The following PPARD variants were observed in gnomAD, a reference collection of about 807,000 sequenced individuals.
PPARD encodes peroxisome proliferator-activated receptor delta.
A neutral mutation model predicts 39.5 loss-of-function variants in PPARD; 6 were observed. The ratio of observed to expected loss-of-function variants is 0.15; its 90% CI spans 0.08 to 0.30. The LOEUF (loss-of-function observed/expected upper bound fraction) is 0.30. Ranked by LOEUF, PPARD falls within the 10% of genes least tolerant of loss-of-function variation. PPARD has a pLI of 1.00. For missense variants in PPARD, 397 were observed against 596.8 expected, an observed-to-expected ratio of 0.67 and a Z score of 3.49; for synonymous variants, 210 against 231.3, an observed-to-expected ratio of 0.91 and a Z score of 0.83.
chr6:35,357,939 A>T (rs1024416653), intron 2 of PPARD, among the ~76,000 whole-genome samples: 1 of 152,148 alleles, frequency 6.6e-6, no homozygotes, highest in Non-Finnish European at 1.5e-5. Context: ...TGGACCAGGG[A>T]TCTGAACTGT....
At chr6:35,393,882 T>A (rs765821847) in intron 2 of PPARD, among the ~76,000 whole-genome samples, 1 of 152,152 alleles carries the variant, frequency 6.6e-6, no homozygotes, top group Non-Finnish European at 1.5e-5. Context: ...ACAGGAGGAC[T>A]GAGAACAAGA....
In PPARD at chr6:35,412,478, T is replaced by C. The variant is rs1482449872; in HGVS notation, c.130+1261T>C. 6.6e-6 allele frequency among the ~76,000 whole-genome samples: 1 copy of C among 152,140 alleles called. No individual in the cohort carries two copies. Among genetic ancestry groups the C allele is most frequent in the African/African-American group, 2.4e-5 (1 of 41,426 alleles). ...TGGGCTCTGGACCCCTGTGACTGCA[T>C]GGAGCAGGAGGAGGCAGTTAGTGTC... On this transcript the variant is annotated intron_variant, in intron 3 of 7. Transcript: ENST00000360694. This position sits in a 1 kb window ranked among gnomAD's most constrained non-coding sequence, Gnocchi z 4.1.
chr6:35,348,011 G>C (rs543784493), intron 2 of PPARD, among the ~76,000 whole-genome samples: 26 of 151,440 alleles, frequency 1.7e-4, no homozygotes, highest in Admixed American at 1.5e-3. Flanking sequence ...AGGTTCAAGC[G>C]ATTCTCCTAC....
At position 35,421,958 on chromosome 6, in the gene PPARD, G is replaced by A. The variant is rs1581672876; in HGVS notation, c.424G>A (p.Ala142Thr). The A allele has an allele frequency of 1.2e-6, 2 of 1,608,060 alleles. No homozygotes were observed. The highest frequency in any genetic ancestry group is 1.7e-6 in the Non-Finnish European group (2 of 1,176,532). The part of the protein sequence containing the change: ...KCLALGMSHN[A>T]IRFGRMPEAE... ...CCTGGCACTGGGCATGTCACACAAC[G>A]GTGAGAGCTGACCAGGGCAACTCAC... Residue 142 changes from alanine to threonine, a missense_variant and splice_region_variant, in exon 5 of 8, where the codon GCT (alanine) becomes ACT (threonine). Physicochemically the swap from Ala to Thr is moderately conservative, Grantham distance 58. Coordinates refer to ENST00000360694, the MANE Select transcript of PPARD (RefSeq NM_006238.5).
intron 4 of PPARD, among the ~76,000 whole-genome samples, chr6:35,420,866 G>A (rs1167184321): frequency 8.9e-6 from 1 of 111,798 alleles, no homozygotes; most frequent in African/African-American, 3.3e-5. Flanking sequence ...TCGATCTGTC[G>A]CCCAGGCTGG....
rs1370306015 is a variant in PPARD, at chr6:35,425,250, GGTGACAGA to G, written c.1078+476_1078+483del. 1.0e-6 allele frequency: 1 copy of G among 996,548 alleles called. No individual in the cohort carries two copies. The highest frequency in any genetic ancestry group is 1.7e-5 in the African/African-American group (1 of 57,186). 61.7% of individuals were successfully genotyped at this position (996,548 alleles called of 1,614,324 possible). On this transcript the variant is annotated intron_variant, in intron 7 of 7. Coordinates refer to ENST00000360694, the MANE Select transcript of PPARD (RefSeq NM_006238.5). The surrounding 1 kb of genome is among the most constrained non-coding windows in gnomAD (Gnocchi z 4.5). ...AATCCCACCACTGCACTCCAGCCTG[GGTGACAGA>G]GTGAGACCCTGTCTCAAAAAAAAGG...
At chr6:35,411,243 C>T (rs1026806793) in intron 3 of PPARD, 26 bp downstream of exon 3, 17 of 1,478,460 alleles carry the variant, frequency 1.1e-5, no homozygotes, top group East Asian at 2.6e-5. Context: ...GCAGGGGACA[C>T]GGGGCAGAGG....
At chr6:35,389,070 T>C (rs1012835780) in intron 2 of PPARD, among the ~76,000 whole-genome samples, 1 of 151,738 alleles carries the variant, frequency 6.6e-6, no homozygotes, top group East Asian at 2.0e-4. Flanking sequence ...CCCAGTACTT[T>C]GGGAGGCTGA....
chr6:35,346,817 G>A (rs1465803997), intron 1 of PPARD, among the ~76,000 whole-genome samples: 1 of 152,194 alleles, frequency 6.6e-6, no homozygotes, highest in Non-Finnish European at 1.5e-5. Context: ...CGCCTTCTGC[G>A]CCGACCTGAT....
chr6:35,374,044 G>C (rs1762645199), intron 2 of PPARD, among the ~76,000 whole-genome samples: 1 of 152,142 alleles, frequency 6.6e-6, no homozygotes. Flanking sequence ...GATTCAGCCA[G>C]TGAAAGTGGT....
chr6:35,388,027 T>C (rs1486270610), intron 2 of PPARD, among the ~76,000 whole-genome samples: 1 of 109,266 alleles, frequency 9.2e-6, no homozygotes, highest in Non-Finnish European at 1.6e-5. Context: ...TGGCCATTCT[T>C]TTTTTTTTTT....
At chr6:35,398,725 C>T (rs1054753947) in intron 2 of PPARD, among the ~76,000 whole-genome samples, 1 of 152,080 alleles carries the variant, frequency 6.6e-6, no homozygotes, top group Non-Finnish European at 1.5e-5. Context: ...GAAGAGAAGG[C>T]GTAGAGGAGG....
At chr6:35,400,095 T>G (rs1405448797) in intron 2 of PPARD, among the ~76,000 whole-genome samples, 1 of 152,172 alleles carries the variant, frequency 6.6e-6, no homozygotes, top group Non-Finnish European at 1.5e-5. Context: ...AACTGTGGGA[T>G]TTTTCCATGT....
chr6:35,372,479 C>T (rs1024106123), intron 2 of PPARD, among the ~76,000 whole-genome samples: 1 of 152,202 alleles, frequency 6.6e-6, no homozygotes, highest in African/African-American at 2.4e-5. Flanking sequence ...ACGTCCAGCC[C>T]ACTCTGAGCT....
At position 35,411,063 on chromosome 6, in the gene PPARD, G is replaced by T. The variant is rs1765392063; in HGVS notation, c.-25G>T. The T allele has an allele frequency of 6.7e-7, 1 of 1,486,718 alleles. No homozygotes were observed. Among genetic ancestry groups the T allele is most frequent in the Non-Finnish European group, 9.0e-7 (1 of 1,113,718 alleles). 92.1% of individuals were successfully genotyped at this position (1,486,718 alleles called of 1,614,324 possible). On this transcript the variant is annotated 5_prime_UTR_variant, in exon 3 of 8. Coordinates refer to ENST00000360694, the MANE Select transcript of PPARD (RefSeq NM_006238.5). ...GCCAGAGCTATGACTGGGCCTGCAG[G>T]TGTGGCGCCGAGGGGAGATCAGCCA... is the stretch of plus-strand genomic sequence containing the variant.
In PPARD at chr6:35,363,322, G is replaced by A. The variant is rs1047836484; in HGVS notation, c.-102+16172G>A. Among the ~76,000 whole-genome samples the A allele has an allele frequency of 3.6e-4, 55 of 152,132 alleles. No individual in the cohort carries two copies. Among genetic ancestry groups the A allele is most frequent in the African/African-American group, 1.2e-3 (51 of 41,414 alleles). On this transcript the variant is annotated intron_variant, in intron 2 of 7. Coordinates refer to ENST00000360694, the MANE Select transcript of PPARD (RefSeq NM_006238.5). This position sits in a 1 kb window ranked among gnomAD's most constrained non-coding sequence, Gnocchi z 4.5. The stretch of plus-strand genomic sequence containing the variant: ...ATTTCCATAGGCTGTGCGTTCCTGT[G>A]GGCCTGCCTGGATCATATCTGTTCT...
At chr6:35,375,227 T>C (rs905092654) in intron 2 of PPARD, among the ~76,000 whole-genome samples, 2 of 139,094 alleles carry the variant, frequency 1.4e-5, no homozygotes, top group African/African-American at 5.5e-5. Context: ...TTTTTTTTTT[T>C]TTTTTTTGGA....
intron 2 of PPARD, among the ~76,000 whole-genome samples, chr6:35,396,353 C>A (rs551466812): frequency 9.9e-5 from 15 of 151,120 alleles, no homozygotes; most frequent in African/African-American, 3.6e-4. Context: ...TATAGGCGCC[C>A]GCCACCACGC....
At chr6:35,384,981 C>G (rs1480564844) in intron 2 of PPARD, among the ~76,000 whole-genome samples, 25 of 139,710 alleles carry the variant, frequency 1.8e-4, no homozygotes, top group Non-Finnish European at 3.7e-4. Context: ...AGCCCCCCGC[C>G]GGGCCAGCCG....
Sources: allele counts gnomAD v4.1 joint callset (sites outside exome capture counted in the v4.1 genomes callset), GRCh38; gene constraint gnomAD v4.1.1; non-coding constraint Gnocchi (gnomAD v3.1); transcripts MANE v1.5; gene names NCBI Gene and HGNC (gene_info 2026-07-23, HGNC 2026-07-21).